CHD9: variants seen among roughly 807,000 people sequenced by gnomAD.
CHD9 encodes the protein chromodomain helicase DNA binding protein 9, also known as ATP-dependent chromatin remodeler CHD9.
CHD9 carries 77 observed loss-of-function variants against 316.1 expected under a neutral mutation model. The observed-to-expected ratio is 0.24, with a 90% CI of 0.20 to 0.29. The LOEUF is 0.29. Ranked by LOEUF, CHD9 falls within the 10% of genes least tolerant of loss-of-function variation. The pLI is 1.00. For synonymous variants in CHD9, 1,129 were observed against 1,158.3 expected (o/e 0.97, Z 0.51); for missense variants, 2,763 against 3,438.1 (o/e 0.80, Z 4.91).
At chr16:53,290,065 G>A in intron 27 of CHD9, among the ~76,000 whole-genome samples, 1 of 152,136 alleles carries the variant, frequency 6.6e-6, no homozygotes, top group East Asian at 1.9e-4. Flanking sequence ...TTTGAGTTCA[G>A]GAGTTCAAGA....
chr16:53,263,887 G>A (rs1006588786), intron 20 of CHD9, among the ~76,000 whole-genome samples: 3 of 152,208 alleles, frequency 2.0e-5, no homozygotes, highest in Admixed American at 6.5e-5. Context: ...ACCTAAACAA[G>A]TAGTGGGGTC....
At chr16:53,222,533 G>C in intron 3 of CHD9, 111 bp from the exon 4 acceptor site, 1 of 606,622 alleles carries the variant, frequency 1.6e-6, no homozygotes, top group Non-Finnish European at 3.0e-6. Context: ...TCCTTGGTTG[G>C]ACATGCAAGT....
At chr16:53,149,531 CTTT>C (rs1223809443) in intron 1 of CHD9, among the ~76,000 whole-genome samples, 2 of 148,960 alleles carry the variant, frequency 1.3e-5, no homozygotes, top group African/African-American at 4.9e-5. Context: ...TAATATCCTT[CTTT>C]GTCTCTTGTA....
chr16:53,229,449 A>T (rs182524657), intron 8 of CHD9, among the ~76,000 whole-genome samples: 1 of 152,318 alleles, frequency 6.6e-6, no homozygotes, highest in East Asian at 1.9e-4. Flanking sequence ...AAGATTTTTC[A>T]GTACATGAAA....
chr16:53,258,868 A>T (rs560542783), intron 19 of CHD9, among the ~76,000 whole-genome samples: 1 of 152,298 alleles, frequency 6.6e-6, no homozygotes, highest in Non-Finnish European at 1.5e-5. Context: ...TTTGATAGAG[A>T]ACAAAATACT....
chr16:53,081,516 A>G (rs2035012521), intron 1 of CHD9, among the ~76,000 whole-genome samples: 1 of 152,186 alleles, frequency 6.6e-6, no homozygotes, highest in Non-Finnish European at 1.5e-5. Flanking sequence ...CCTGGCTCCT[A>G]TGAGTAGGCG....
At chr16:53,262,699 C>A (rs964416020) in intron 19 of CHD9, among the ~76,000 whole-genome samples, 49 of 152,094 alleles carry the variant, frequency 3.2e-4, no homozygotes, top group Non-Finnish European at 1.5e-4. Flanking sequence ...AAACCATACC[C>A]CCATTCTCTG....
chr16:53,226,455 G>A lies in CHD9; in HGVS notation c.1986G>A (p.Met662Ile). ...KQSEEEVKGSMKIKKNSAPLP... is the reference protein window; with the variant it reads ...KQSEEEVKGSIKIKKNSAPLP... ...CTGAAGAAGAGGTTAAAGGTTCTATGAAAATAAAAAAGAATTCAGCTCCTT... is the reference window on the plus strand; with the variant it reads ...CTGAAGAAGAGGTTAAAGGTTCTATAAAAATAAAAAAGAATTCAGCTCCTT... The change falls in exon 5 of 39, where the codon ATG becomes ATA. Residue 662 changes from methionine (M) to isoleucine (I), a missense_variant. Met to Ile is a conservative substitution (Grantham distance 10). Coordinates refer to ENST00000447540, the MANE Select transcript of CHD9 (RefSeq NM_001308319.2). 1.2e-6 allele frequency: 2 copies of A among 1,607,402 alleles called. No individual in the cohort carries two copies. The highest frequency in any genetic ancestry group is 1.7e-6 in the Non-Finnish European group (2 of 1,178,244).
chr16:53,276,292 G>A (rs960840543), intron 24 of CHD9, among the ~76,000 whole-genome samples: 2 of 152,166 alleles, frequency 1.3e-5, no homozygotes, highest in Admixed American at 1.3e-4. Flanking sequence ...AACATTTGTG[G>A]AGAAAATCAA....
chr16:53,055,283 C>A (rs73594411), intron 1 of CHD9, among the ~76,000 whole-genome samples: 6,926 of 152,282 alleles, frequency 0.045, 170 homozygotes, highest in African/African-American at 0.068. Context: ...CGCTGGCACG[C>A]TCGCATCCTC....
chr16:53,196,602 G>A (rs1267197242), intron 2 of CHD9, among the ~76,000 whole-genome samples: 1 of 152,170 alleles, frequency 6.6e-6, no homozygotes, highest in Non-Finnish European at 1.5e-5. Flanking sequence ...TTAATCGTAA[G>A]ATTCCTTAAT....
intron 1 of CHD9, among the ~76,000 whole-genome samples, chr16:53,153,726 A>G (rs903434144): frequency 6.6e-6 from 1 of 151,942 alleles, no homozygotes; most frequent in Admixed American, 6.6e-5. Context: ...AGTAGAGAGA[A>G]GGGTCTCATT....
chr16:53,267,190 G>T lies in CHD9; in HGVS notation c.4321-104G>T, dbSNP rs550707971. On this transcript the variant is annotated intron_variant, in intron 20 of 38. Transcript: ENST00000447540. ...GTGAAATTGTTAGTTGTTTCTTTTT[G>T]TCTGTGTTTCTGTAATTATTGTTTG... The T allele has an allele frequency of 2.7e-5, 18 of 663,186 alleles. No homozygotes were observed. The South Asian group carries it at 5.0e-4, about 18-fold the overall frequency. 41.1% of individuals were successfully genotyped at this position (663,186 alleles called of 1,614,324 possible). A position where few individuals can be genotyped will look rare whatever the true frequency, so the allele number is the denominator to read the frequency against.
chr16:53,257,914 G>A (rs191887235), intron 19 of CHD9, among the ~76,000 whole-genome samples: 1 of 152,008 alleles, frequency 6.6e-6, no homozygotes, highest in Non-Finnish European at 1.5e-5. Flanking sequence ...TCTACTCTAT[G>A]GACAGAAATA....
chr16:53,100,059 T>C (rs1261290060), intron 1 of CHD9, among the ~76,000 whole-genome samples: 1 of 152,164 alleles, frequency 6.6e-6, no homozygotes, highest in African/African-American at 2.4e-5. Context: ...CCAAGCAGGC[T>C]GCAGGGGATG....
At chr16:53,110,544 T>C (rs2037786151) in intron 1 of CHD9, among the ~76,000 whole-genome samples, 1 of 152,220 alleles carries the variant, frequency 6.6e-6, no homozygotes, top group Admixed American at 6.5e-5. Flanking sequence ...ATGGATCACC[T>C]GATGTCAGGA....
At chr16:53,284,588 G>A (rs1044552637) in intron 24 of CHD9, among the ~76,000 whole-genome samples, 3 of 151,984 alleles carry the variant, frequency 2.0e-5, no homozygotes, top group Non-Finnish European at 4.4e-5. Context: ...TTCAAGTGAC[G>A]AGCAAAGAAT....
intron 1 of CHD9, among the ~76,000 whole-genome samples, chr16:53,132,639 GA>G (rs1470745125): frequency 2.0e-5 from 3 of 152,202 alleles, no homozygotes; most frequent in African/African-American, 4.8e-5. Context: ...TGGGTTTACA[GA>G]ACGTGAATTT....
At position 53,326,770 on chromosome 16, in the gene CHD9, A is replaced by C. The variant is rs60331838; in HGVS notation, c.*1875A>C. The C allele has an allele frequency of 0.032, 4,847 of 150,302 alleles. 95 individuals are homozygous for C. The highest frequency in any genetic ancestry group is 0.069 in the South Asian group (327 of 4,730). 9.3% of individuals were successfully genotyped at this position (150,302 alleles called of 1,614,324 possible). A position where few individuals can be genotyped will look rare whatever the true frequency, so the allele number is the denominator to read the frequency against. ...ATGAGATAGCCAAAGTTTCAAACAC[A>C]GTTATCTTAGTTTACCGGTGGAGTA... On this transcript the variant is annotated 3_prime_UTR_variant, in exon 39 of 39. Coordinates refer to ENST00000447540, the MANE Select transcript of CHD9 (RefSeq NM_001308319.2).
Sources: allele counts gnomAD v4.1 joint callset (sites outside exome capture counted in the v4.1 genomes callset), GRCh38; gene constraint gnomAD v4.1.1; transcripts MANE v1.5; gene names NCBI Gene and HGNC (gene_info 2026-07-23, HGNC 2026-07-21).